The following VSTM4 variants were observed in gnomAD, a reference collection of about 807,000 sequenced individuals.
The protein encoded by VSTM4 is V-set and transmembrane domain containing 4.
VSTM4 carries 20 observed loss-of-function variants against 36.4 expected under a neutral mutation model. The ratio of observed to expected loss-of-function variants is 0.55; its 90% confidence interval spans 0.39 to 0.80. The LOEUF (loss-of-function observed/expected upper bound fraction) is 0.80. VSTM4 is among the 30% of genes least tolerant of loss of function. VSTM4 has a pLI of 0.00. For missense variants in VSTM4, 392 were observed against 404.5 expected (o/e 0.97, Z 0.26); for synonymous variants, 182 against 173.9 (o/e 1.05, Z -0.37).
intron 4 of VSTM4, among the ~76,000 whole-genome samples, chr10:49,075,290 G>C (rs1382091682): frequency 6.6e-6 from 1 of 152,164 alleles, no homozygotes; most frequent in African/African-American, 2.4e-5. Context: ...GCAGACTCTC[G>C]ATCATGCCCC....
intron 4 of VSTM4, among the ~76,000 whole-genome samples, chr10:49,075,769 C>T (rs113340971): frequency 3.4e-4 from 52 of 152,350 alleles, no homozygotes; most frequent in African/African-American, 1.1e-3. Context: ...TCTGGATCCC[C>T]GTCCACCTTT....
chr10:49,058,871 A>C (rs1426666069), intron 5 of VSTM4, among the ~76,000 whole-genome samples: 1 of 152,128 alleles, frequency 6.6e-6, no homozygotes, highest in Non-Finnish European at 1.5e-5. Flanking sequence ...CCCCTTAGGA[A>C]GAAATGGTCA....
chr10:49,029,781 T>G lies in VSTM4; in HGVS notation c.838-10006A>C, dbSNP rs1590069787. Among the ~76,000 whole-genome samples, 3 of 152,228 alleles carry G rather than the reference T, an allele frequency of 2.0e-5. No individual in the cohort carries two copies. In the East Asian group the frequency reaches 5.8e-4, roughly 29 times the overall value. ...TATGAGCTCCAACTAAAGGGGAAGT[T>G]GGGGGAGAAGGGAACTGGCCCCATC... On this transcript the variant is annotated intron_variant, in intron 7 of 7. Coordinates refer to ENST00000332853, the MANE Select transcript of VSTM4 (RefSeq NM_001031746.5).
rs781660756 is a variant in VSTM4, at chr10:49,107,728, GC to G, written c.322del (p.Ala108ArgfsTer8). ...TGTCAAGACGGAGAGCCTGTAGAGC[GC>G]CCCCCGCTGCTCCTCCAGCAGGCGC... ...RLRLLEEQRG[A>X]LYRLSVLTLQ... On this transcript the variant is annotated frameshift_variant, in exon 2 of 8. Coordinates refer to ENST00000332853, the MANE Select transcript of VSTM4 (RefSeq NM_001031746.5). LOFTEE classifies it high-confidence loss of function. 6.2e-7 allele frequency: 1 copy of G among 1,614,118 alleles called. No homozygotes were observed. The highest frequency in any genetic ancestry group is 1.7e-5 in the Admixed American group (1 of 60,030).
rs143475643 is a variant in VSTM4 at position 49,031,209 on chromosome 10, C to T, written c.838-11434G>A. 5.3e-5 allele frequency among the ~76,000 whole-genome samples: 8 copies of T among 152,312 alleles called. No homozygotes were observed. The East Asian group carries it at 1.5e-3, about 29-fold the overall frequency. ...ACTCTCCTAGACCCATCTAATTGTG[C>T]AAGGGCCTACTTAGGAACATGTGCT... On this transcript the variant is annotated intron_variant, in intron 7 of 7. Transcript: ENST00000332853.
chr10:49,101,376 C>G (rs1433324117), intron 2 of VSTM4, among the ~76,000 whole-genome samples: 1 of 152,078 alleles, frequency 6.6e-6, no homozygotes, highest in East Asian at 1.9e-4. Flanking sequence ...TCTACACACA[C>G]ACGTACACAT....
At chr10:49,069,195 C>T (rs1453900824) in intron 4 of VSTM4, among the ~76,000 whole-genome samples, 1 of 152,176 alleles carries the variant, frequency 6.6e-6, no homozygotes, top group Non-Finnish European at 1.5e-5. Context: ...CAGCCTTACT[C>T]CCATCTTATC....
chr10:49,077,061 G>C (rs556052771), intron 4 of VSTM4, among the ~76,000 whole-genome samples, 158 bp downstream of exon 4: 1 of 152,282 alleles, frequency 6.6e-6, no homozygotes, highest in Admixed American at 6.5e-5. Flanking sequence ...CAGAGTCCAA[G>C]GGAAACACAG....
At chr10:49,042,948 G>T (rs1843543867) in intron 7 of VSTM4, among the ~76,000 whole-genome samples, 1 of 152,194 alleles carries the variant, frequency 6.6e-6, no homozygotes, top group Admixed American at 6.5e-5. Context: ...GACAGATTCT[G>T]GGGAGGACAT....
At chr10:49,077,709 T>C (rs1445128252) in intron 3 of VSTM4, among the ~76,000 whole-genome samples, 1 of 151,392 alleles carries the variant, frequency 6.6e-6, no homozygotes, top group African/African-American at 2.4e-5. Context: ...CTAGAAGACT[T>C]CAGAAAAAAC....
intron 5 of VSTM4, among the ~76,000 whole-genome samples, chr10:49,062,312 ATT>A (rs56889482): frequency 0.37 from 56,405 of 151,488 alleles, 11,641 homozygotes; most frequent in African/African-American, 0.56. Flanking sequence ...AGGCTCCAAC[ATT>A]TTTTTCTGTT....
chr10:49,022,009 C>A (rs956584576), intron 7 of VSTM4, among the ~76,000 whole-genome samples: 3 of 152,278 alleles, frequency 2.0e-5, no homozygotes, highest in Admixed American at 6.5e-5. Flanking sequence ...AGCACATTAA[C>A]CATGGCTCTT....
In VSTM4 at chr10:49,102,385, C is replaced by T. The variant is rs141039454; in HGVS notation, c.457+5209G>A. On this transcript the variant is annotated intron_variant, in intron 2 of 7. Transcript: ENST00000332853. ...TCTTGACTTCGTGATCCACCCACCTCGGCCTCCCAAAGTGCTGGGATTACA... is the reference window on the plus strand; with the variant it reads ...TCTTGACTTCGTGATCCACCCACCTTGGCCTCCCAAAGTGCTGGGATTACA... The T allele has an allele frequency of 2.0e-4, 193 of 982,752 alleles. 2 individuals carry two copies. The East Asian group carries it at 0.012, about 62-fold the overall frequency. The allele number at this position is 982,752 out of a possible 1,614,324, so 60.9% of individuals were successfully genotyped here.
chr10:49,066,870 T>G (rs1014999053), intron 4 of VSTM4, among the ~76,000 whole-genome samples: 8 of 152,274 alleles, frequency 5.3e-5, no homozygotes, highest in African/African-American at 1.7e-4. Context: ...ACATATTATC[T>G]TACAGATAAG....
intron 4 of VSTM4, among the ~76,000 whole-genome samples, chr10:49,069,242 T>C (rs999927941): frequency 6.6e-6 from 1 of 152,144 alleles, no homozygotes; most frequent in Admixed American, 6.5e-5. Context: ...CAAGGCATGG[T>C]TGATATCTAC....
chr10:49,081,868 A>C (rs1051841191), intron 3 of VSTM4, among the ~76,000 whole-genome samples: 8 of 152,338 alleles, frequency 5.3e-5, no homozygotes, highest in African/African-American at 1.9e-4. Context: ...CAGGAGAAGA[A>C]AAGCTCAGAA....
chr10:49,059,217 G>T (rs1244748712), intron 5 of VSTM4, among the ~76,000 whole-genome samples: 6 of 152,188 alleles, frequency 3.9e-5, no homozygotes, highest in Non-Finnish European at 8.8e-5. Flanking sequence ...CCCTAGCAGG[G>T]TCCTGGGATG....
chr10:49,059,382 C>T (rs535159980), intron 5 of VSTM4, among the ~76,000 whole-genome samples: 15 of 152,326 alleles, frequency 9.8e-5, no homozygotes, highest in East Asian at 3.9e-4. Flanking sequence ...CAAGATTCTG[C>T]GGTCATCTTG....
chr10:49,104,006 G>T, intron 2 of VSTM4: 1 of 692,340 alleles, frequency 1.4e-6, no homozygotes, highest in Non-Finnish European at 2.3e-6. Context: ...TTGTTGTTCT[G>T]TGTTTTTGTT....
Sources: allele counts gnomAD v4.1 joint callset (sites outside exome capture counted in the v4.1 genomes callset), GRCh38; gene constraint gnomAD v4.1.1; transcripts MANE v1.5; gene names NCBI Gene and HGNC (gene_info 2026-07-23, HGNC 2026-07-21).